POF1B: variants seen among roughly 807,000 people sequenced by gnomAD.
POF1B encodes POF1B actin binding protein.
In POF1B, 53 loss-of-function variants were observed where a neutral mutation model predicts 55.3. The observed-to-expected ratio is 0.96, with a 90% CI of 0.77 to 1.20. The LOEUF (loss-of-function observed/expected upper bound fraction) is 1.20. Among genes scored for constraint, POF1B ranks in the 50% most tolerant of loss-of-function variants. The pLI is 0.00. For synonymous variants in POF1B, 188 were observed against 148.3 expected (o/e 1.27, Z -1.95); for missense variants, 478 against 420.5 (o/e 1.14, Z -1.20).
In POF1B at chrX:85,376,090, T is replaced by TA. The variant is rs375354114; in HGVS notation, c.282+3082dup. 4.1e-3 allele frequency among the ~76,000 whole-genome samples: 454 copies of TA among 111,776 alleles called. 2 individuals are homozygous for TA. The highest frequency in any genetic ancestry group is 0.014 in the African/African-American group (433 of 30,852). ...TTATCCAGAAAATCACAGTGTTTGC[T>TA]AAAAAATAGGCACTTAATAAACATG... On this transcript the variant is annotated intron_variant, in intron 2 of 16. Coordinates refer to ENST00000262753, the MANE Select transcript of POF1B (RefSeq NM_024921.4).
intron 7 of POF1B, among the ~76,000 whole-genome samples, chrX:85,327,255 C>T (rs1224621004): frequency 9.0e-6 from 1 of 111,294 alleles, no homozygotes; most frequent in Non-Finnish European, 1.9e-5. Flanking sequence ...TTGTTGGGGC[C>T]TAGAAAGGAG....
In POF1B at chrX:85,349,630, T is replaced by C. The variant is rs192422514; in HGVS notation, c.540+1720A>G. Reference sequence around the variant, plus strand: ...GTGAAGACACACAGGAAAGTTTCCATATGAAGATAAATTATTGGAGTGATG... The same window carrying C: ...GTGAAGACACACAGGAAAGTTTCCACATGAAGATAAATTATTGGAGTGATG... On this transcript the variant is annotated intron_variant, in intron 5 of 16. Transcript: ENST00000262753. Among the ~76,000 whole-genome samples, 196 of 111,075 alleles carry C rather than the reference T, an allele frequency of 1.8e-3. 1 individual carries two copies. The highest frequency in any genetic ancestry group is 6.1e-3 in the African/African-American group (186 of 30,662).
In POF1B at chrX:85,279,293, C is replaced by A; in HGVS notation, c.*128G>T. On this transcript the variant is annotated 3_prime_UTR_variant, in exon 17 of 17. Transcript: ENST00000262753. ...AGAACTAATTCATTCCATTAGATTT[C>A]TTGGGTAGCAGCATGGTTCCAAATT... 1.5e-6 allele frequency: 1 copy of A among 645,837 alleles called. No homozygotes were observed. Among genetic ancestry groups the A allele is most frequent in the South Asian group, 3.2e-5 (1 of 30,859 alleles). The allele number at this position is 645,837 out of a possible 1,213,427, so 53.2% of individuals were successfully genotyped here.
At chrX:85,375,609 C>T (rs1435711151) in intron 2 of POF1B, among the ~76,000 whole-genome samples, 1 of 111,886 alleles carries the variant, frequency 8.9e-6, no homozygotes, top group African/African-American at 3.2e-5. Flanking sequence ...CTTCCTTGAA[C>T]AATCATTCAC....
intron 5 of POF1B, among the ~76,000 whole-genome samples, chrX:85,346,603 A>C (rs151115394): frequency 0.015 from 1,688 of 109,965 alleles, 15 homozygotes; most frequent in Non-Finnish European, 0.025. Context: ...TCTAACTCTG[A>C]TTTTATCACT....
At chrX:85,373,263 T>C (rs1436497770) in intron 2 of POF1B, among the ~76,000 whole-genome samples, 2 of 111,944 alleles carry the variant, frequency 1.8e-5, no homozygotes, top group African/African-American at 6.5e-5. Context: ...GTTTTTAAAC[T>C]CAGGGCATTC....
At chrX:85,335,064 G>A (rs1933044607) in intron 6 of POF1B, among the ~76,000 whole-genome samples, 1 of 111,192 alleles carries the variant, frequency 9.0e-6, no homozygotes, top group Non-Finnish European at 1.9e-5. Context: ...AACAGTCTTG[G>A]CTTAATTAAA....
intron 15 of POF1B, among the ~76,000 whole-genome samples, chrX:85,288,614 C>T (rs559114369): frequency 3.6e-5 from 4 of 111,592 alleles, no homozygotes; most frequent in Middle Eastern, 4.6e-3. Flanking sequence ...AGAATTCCCA[C>T]GTGTTGTGGG....
Position 85,305,875 on chromosome X carries a change from A to C in POF1B, c.1353T>G (p.Ala451=). 8.3e-7 allele frequency: 1 copy of C among 1,210,193 alleles called. No homozygotes were observed. The change falls in exon 13 of 17, where the codon GCT becomes GCG. Residue 451 remains alanine (A), a synonymous_variant. Coordinates refer to ENST00000262753, the MANE Select transcript of POF1B (RefSeq NM_024921.4). ...AGTGGTTGCCAATCTCATCCATTTT[A>C]GCCTGCAACATTGGGCCTGTGCAAG... ...SETCTGPMLQ[A]KMDEIGNHYT... is the part of the protein sequence containing the mutation.
At chrX:85,360,571 A>ACTACT in intron 3 of POF1B, among the ~76,000 whole-genome samples, 1 of 91,280 alleles carries the variant, frequency 1.1e-5, no homozygotes, top group African/African-American at 4.5e-5. Context: ...ATATATACAC[A>ACTACT]TTTTCTTTAT....
chrX:85,295,661 G>C (rs1258590753), intron 15 of POF1B, among the ~76,000 whole-genome samples: 1 of 111,682 alleles, frequency 9.0e-6, no homozygotes, highest in Non-Finnish European at 1.9e-5. Flanking sequence ...CTCAATATTA[G>C]AATATGTTCT....
chrX:85,379,575 C>A (rs1255824071), intron 1 of POF1B, 64 bp downstream of exon 1: 3 of 759,055 alleles, frequency 4.0e-6, no homozygotes, highest in Non-Finnish European at 5.6e-6. Context: ...ACACACGACA[C>A]ACGTGTGGAA....
chrX:85,356,481 G>A (rs1933502750), intron 4 of POF1B, among the ~76,000 whole-genome samples: 1 of 108,976 alleles, frequency 9.2e-6, no homozygotes. Context: ...AAAGAAAAAA[G>A]ATTGTCTAGG....
At chrX:85,311,897 T>C (rs1932710217) in intron 9 of POF1B, among the ~76,000 whole-genome samples, 1 of 112,511 alleles carries the variant, frequency 8.9e-6, no homozygotes, top group Non-Finnish European at 1.9e-5. Context: ...TATCTCATTG[T>C]GGTTTTGATT....
intron 2 of POF1B, among the ~76,000 whole-genome samples, chrX:85,369,008 A>G (rs1933776786): frequency 2.7e-5 from 3 of 112,171 alleles, no homozygotes; most frequent in Non-Finnish European, 5.6e-5. Context: ...TGTAGGTGTT[A>G]CATGTATTCT....
intron 7 of POF1B, among the ~76,000 whole-genome samples, chrX:85,328,908 AT>A (rs1932933627): frequency 9.0e-6 from 1 of 110,985 alleles, no homozygotes; most frequent in South Asian, 3.8e-4. Flanking sequence ...TGGATCTAGA[AT>A]AAGGGTACTT....
chrX:85,303,508 A>G lies in POF1B; in HGVS notation c.1567-20T>C, dbSNP rs749379644. 1 of 1,015,082 alleles carries G rather than the reference A, an allele frequency of 9.9e-7. No individual in the cohort carries two copies. The highest frequency in any genetic ancestry group is 1.4e-6 in the Non-Finnish European group (1 of 730,920). The allele number at this position is 1,015,082 out of a possible 1,213,427, so 83.7% of individuals were successfully genotyped here. A position where few individuals can be genotyped will look rare whatever the true frequency, so the allele number is the denominator to read the frequency against. On this transcript the variant is annotated intron_variant, in intron 14 of 16. Coordinates refer to ENST00000262753, the MANE Select transcript of POF1B (RefSeq NM_024921.4). ...GAGTTCCTTACAAATAAAAGATAAT[A>G]TAATCATTTGATGGAAAGTAGAAAC...
At chrX:85,283,289 T>TA (rs1037340364) in intron 15 of POF1B, among the ~76,000 whole-genome samples, 15 of 110,414 alleles carry the variant, frequency 1.4e-4, no homozygotes, top group Non-Finnish European at 2.7e-4. Context: ...ACAACACTGA[T>TA]AAAAAAATTA....
chrX:85,355,020 AC>A (rs1177961470), intron 4 of POF1B, among the ~76,000 whole-genome samples: 1 of 111,703 alleles, frequency 9.0e-6, no homozygotes, highest in African/African-American at 3.3e-5. Flanking sequence ...AGCCAAAAGA[AC>A]AAAGCTGGAG....
Sources: gnomAD v4.1 joint callset for allele counts (sites outside exome capture counted in the v4.1 genomes callset) on GRCh38, gnomAD v4.1.1 for gene constraint, MANE v1.5 for transcripts, NCBI Gene and HGNC (gene_info 2026-07-23, HGNC 2026-07-21) for gene names.